Variants in BDH2 observed in about 807,000 individuals in gnomAD.
The protein encoded by BDH2 is 3-hydroxybutyrate dehydrogenase 2.
BDH2 carries 24 observed loss-of-function variants against 33.2 expected under a neutral mutation model. The observed-to-expected ratio is 0.72, with a 90% CI of 0.52 to 1.02. The LOEUF (loss-of-function observed/expected upper bound fraction) is 1.02, where lower values mean the gene tolerates loss of function less well. BDH2 is among the 50% of genes least tolerant of loss of function. BDH2 has a pLI of 0.00. For missense variants in BDH2, 249 were observed against 301.6 expected, an observed-to-expected ratio of 0.83 and a Z score of 1.29; for synonymous variants, 81 against 101.6, an observed-to-expected ratio of 0.80 and a Z score of 1.22.
intron 1 of BDH2, chr4:103,099,471 C>G (rs1217162067): frequency 6.6e-6 from 1 of 151,996 alleles, no homozygotes; most frequent in African/African-American, 2.4e-5. Flanking sequence ...TTCCTTAGTC[C>G]AAAAGTTAGA....
At chr4:103,082,782 T>C in intron 8 of BDH2, 89 bp downstream of exon 8, 1 of 1,189,650 alleles carries the variant, frequency 8.4e-7, no homozygotes, top group Non-Finnish European at 1.3e-6. Context: ...ACCATTTCAC[T>C]TTCTGTCTCT....
rs7665217 is a variant in BDH2, at chr4:103,078,752, G to A, written c.*950C>T. On this transcript the variant is annotated 3_prime_UTR_variant, in exon 10 of 10. Transcript: ENST00000296424. ...TAAAAATATTTGAATATTGAAAAAT[G>A]AAGTGGAAATTATTATTATTATTTA... Among the ~76,000 whole-genome samples the A allele has an allele frequency of 0.44, 66,404 of 151,862 alleles. 14,859 individuals carry two copies. Among genetic ancestry groups the A allele is most frequent in the African/African-American group, 0.55 (22,611 of 41,360 alleles).
Position 103,085,411 on chromosome 4 carries a change from A to T in BDH2, c.470T>A (p.Leu157His). ...GAAATCTGCAGCCACAGATTTTGTG[A>T]GGCCAATCACGGCTGCCTTGGTTGT... ...YSTTKAAVIG[L>H]TKSVAADFIQ... is the part of the protein sequence containing the mutation. Residue 157 changes from leucine (L) to histidine (H), a missense_variant, in exon 7 of 10, where the codon CTC (leucine) becomes CAC (histidine). By Grantham distance (99) the Leu-to-His change is moderately conservative. Transcript: ENST00000296424. The T allele has an allele frequency of 6.2e-7, 1 of 1,612,878 alleles. No individual in the cohort carries two copies. Among genetic ancestry groups the T allele is most frequent in the East Asian group, 2.2e-5 (1 of 44,870 alleles).
intron 1 of BDH2, chr4:103,099,398 G>A (rs911756015): frequency 6.6e-6 from 1 of 152,072 alleles, no homozygotes; most frequent in African/African-American, 2.4e-5. Context: ...GAGCAAACAC[G>A]GCCTGAAATG....
intron 2 of BDH2, 67 bp from the exon 3 acceptor site, chr4:103,095,348 T>G: frequency 8.4e-7 from 1 of 1,197,362 alleles, no homozygotes; most frequent in Non-Finnish European, 1.2e-6. Context: ...GAATGGAACA[T>G]CATGTGGTCT....
chr4:103,091,709 C>T (rs963031557), intron 4 of BDH2: 3 of 455,872 alleles, frequency 6.6e-6, no homozygotes, highest in Non-Finnish European at 8.8e-6. Flanking sequence ...CATTCCACTG[C>T]CCTCTAGCCT....
At chr4:103,092,755 G>C (rs1347791464) in intron 3 of BDH2, 59 bp from the exon 4 acceptor site, 2 of 1,251,812 alleles carry the variant, frequency 1.6e-6, no homozygotes, top group Non-Finnish European at 1.2e-6. Flanking sequence ...AGGTTTAGCT[G>C]TTTTGAAGTG....
At chr4:103,099,402 T>A (rs944394764) in intron 1 of BDH2, 18 of 152,168 alleles carry the variant, frequency 1.2e-4, no homozygotes, top group African/African-American at 4.3e-4. Context: ...AAACACGGCC[T>A]GAAATGGTAA....
chr4:103,091,327 AATTTTTCT>A, intron 4 of BDH2, 42 bp from the exon 5 acceptor site: 1 of 1,351,746 alleles, frequency 7.4e-7, no homozygotes, highest in Non-Finnish European at 1.1e-6. Flanking sequence ...CTGCCATTAA[AATTTTTCT>A]ATTCCATCTG....
chr4:103,086,727 G>A (rs183601915), intron 5 of BDH2, among the ~76,000 whole-genome samples, 187 bp from the exon 6 acceptor site: 4 of 152,290 alleles, frequency 2.6e-5, no homozygotes, highest in Non-Finnish European at 5.9e-5. Context: ...CTATTGCTGG[G>A]AAATGATGGC....
intron 8 of BDH2, 37 bp downstream of exon 8, chr4:103,082,834 A>C: frequency 6.5e-7 from 1 of 1,548,866 alleles, no homozygotes; most frequent in Non-Finnish European, 8.9e-7. Context: ...GCATTTATTA[A>C]CAAAAGGTTT....
chr4:103,097,723 A>C (rs1748478131), intron 1 of BDH2: 2 of 152,198 alleles, frequency 1.3e-5, no homozygotes, highest in Non-Finnish European at 2.9e-5. Context: ...CCTAGCTGCA[A>C]AGAGGTTGGA....
intron 2 of BDH2, 54 bp from the exon 3 acceptor site, chr4:103,095,335 C>T: frequency 7.5e-7 from 1 of 1,340,258 alleles, no homozygotes; most frequent in South Asian, 1.2e-5. Flanking sequence ...AAACTGTGCT[C>T]ATGAATGGAA....
At chr4:103,093,578 T>C (rs1459017447) in intron 3 of BDH2, among the ~76,000 whole-genome samples, 1 of 147,972 alleles carries the variant, frequency 6.8e-6, no homozygotes, top group Admixed American at 6.8e-5. Flanking sequence ...CATATAGTAA[T>C]ATAATTTATA....
At chr4:103,099,242 C>T (rs1314568423) in intron 1 of BDH2, 16 of 152,082 alleles carry the variant, frequency 1.1e-4, no homozygotes, top group African/African-American at 2.9e-4. Flanking sequence ...GAACAAATGC[C>T]GAAGCACAGA....
intron 5 of BDH2, among the ~76,000 whole-genome samples, chr4:103,090,272 C>T (rs1043306078): frequency 3.3e-5 from 5 of 152,124 alleles, no homozygotes; most frequent in Non-Finnish European, 4.4e-5. Context: ...TTTATACTCC[C>T]CTAGAACACT....
Position 103,078,637 on chromosome 4 carries a change from T to C in BDH2, c.*1065A>G, listed in dbSNP as rs1274179346. On this transcript the variant is annotated 3_prime_UTR_variant, in exon 10 of 10. Transcript: ENST00000296424. ...CCTTTACTCCTTTTACTGTAAGCTA[T>C]TGAAGCCAAACTCCTTCCTACCTTT... is the stretch of plus-strand genomic sequence containing the variant. Among the ~76,000 whole-genome samples the C allele has an allele frequency of 6.6e-6, 1 of 152,230 alleles. No individual in the cohort carries two copies. The highest frequency in any genetic ancestry group is 1.5e-5 in the Non-Finnish European group (1 of 68,032).
intron 5 of BDH2, among the ~76,000 whole-genome samples, chr4:103,088,673 G>A (rs1279628443): frequency 6.6e-6 from 1 of 152,100 alleles, no homozygotes; most frequent in African/African-American, 2.4e-5. Context: ...TTAGGTAGGG[G>A]CTAGAAATAC....
chr4:103,081,330 CTCTG>C (rs1472062709), intron 9 of BDH2, among the ~76,000 whole-genome samples: 5 of 152,208 alleles, frequency 3.3e-5, no homozygotes, highest in African/African-American at 1.2e-4. Context: ...CGGAGTCTCA[CTCTG>C]TCACCCAGGC....
Sources: allele counts gnomAD v4.1 joint callset (sites outside exome capture counted in the v4.1 genomes callset), GRCh38; gene constraint gnomAD v4.1.1; transcripts MANE v1.5; gene names NCBI Gene and HGNC (gene_info 2026-07-23, HGNC 2026-07-21).